The following RTN1 variants were observed in gnomAD, a reference collection of about 807,000 sequenced individuals.
The protein encoded by RTN1 is reticulon-1.
Under a neutral mutation model 65.5 loss-of-function variants are expected in RTN1, and 25 were observed. That is an observed-to-expected ratio of 0.38 (90% CI 0.28 to 0.53). The LOEUF (loss-of-function observed/expected upper bound fraction) is 0.53, where lower values mean the gene tolerates loss of function less well. RTN1 is among the 20% of genes least tolerant of loss of function. The probability of loss-of-function intolerance (pLI) is 0.79; values close to 1 mark genes in which losing one functional copy is unlikely to be tolerated. For synonymous variants in RTN1, 471 were observed against 447.6 expected (o/e 1.05, Z -0.66); for missense variants, 983 against 1,025.4 (o/e 0.96, Z 0.57).
At chr14:59,851,402 A>C (rs1887504092) in intron 1 of RTN1, among the ~76,000 whole-genome samples, 2 of 152,228 alleles carry the variant, frequency 1.3e-5, no homozygotes, top group Non-Finnish European at 2.9e-5. Context: ...TTAAATAAGC[A>C]CAGAGCAGAT....
chr14:59,811,294 C>T (rs757892622), intron 1 of RTN1, among the ~76,000 whole-genome samples: 2 of 152,134 alleles, frequency 1.3e-5, no homozygotes, highest in Non-Finnish European at 2.9e-5. Context: ...TTGATGATAG[C>T]CCTGATGATG....
intron 1 of RTN1, among the ~76,000 whole-genome samples, chr14:59,780,932 C>T (rs1472263289): frequency 6.6e-6 from 1 of 152,124 alleles, no homozygotes; most frequent in Non-Finnish European, 1.5e-5. Context: ...ATTCTGATTC[C>T]ATCTCCCCTC....
chr14:59,808,719 C>T (rs1886678651), intron 1 of RTN1, among the ~76,000 whole-genome samples: 1 of 152,144 alleles, frequency 6.6e-6, no homozygotes, highest in Non-Finnish European at 1.5e-5. Context: ...GTGGATTTCT[C>T]ATAAATAGAT....
intron 1 of RTN1, among the ~76,000 whole-genome samples, chr14:59,789,529 T>C (rs1886310529): frequency 6.6e-6 from 1 of 152,156 alleles, no homozygotes; most frequent in African/African-American, 2.4e-5. Flanking sequence ...TTTATGCAAA[T>C]GAGCTTGAAA....
At chr14:59,785,519 G>A (rs1356046230) in intron 1 of RTN1, among the ~76,000 whole-genome samples, 1 of 152,086 alleles carries the variant, frequency 6.6e-6, no homozygotes, top group Non-Finnish European at 1.5e-5. Flanking sequence ...CCATCTGTTT[G>A]GAAACTTATT....
intron 3 of RTN1, among the ~76,000 whole-genome samples, chr14:59,629,591 G>A (rs566782682): frequency 6.6e-6 from 1 of 152,270 alleles, no homozygotes; most frequent in South Asian, 2.1e-4. Context: ...ATTCATTCTT[G>A]CAAATTATCT....
chr14:59,607,174 G>A (rs1881784580), intron 4 of RTN1, 111 bp downstream of exon 4: 1 of 855,242 alleles, frequency 1.2e-6, no homozygotes, highest in Admixed American at 2.1e-5. Flanking sequence ...GACTCTAAGA[G>A]GTCTGTTGGG....
chr14:59,791,728 T>C (rs1308311636), intron 1 of RTN1, among the ~76,000 whole-genome samples: 1 of 152,168 alleles, frequency 6.6e-6, no homozygotes, highest in East Asian at 1.9e-4. Flanking sequence ...ACTGTGTCCT[T>C]TGTCCTCCAC....
chr14:59,623,952 T>C (rs868303477), intron 3 of RTN1, among the ~76,000 whole-genome samples: 6 of 152,246 alleles, frequency 3.9e-5, no homozygotes, highest in Non-Finnish European at 7.3e-5. Flanking sequence ...GAAATATTTC[T>C]GAAGAAAGGG....
At chr14:59,709,017 G>A (rs980420580) in intron 3 of RTN1, among the ~76,000 whole-genome samples, 7 of 152,188 alleles carry the variant, frequency 4.6e-5, no homozygotes, top group African/African-American at 1.7e-4. Flanking sequence ...ACTGAAGGGG[G>A]AAAAACATTT....
chr14:59,733,092 T>TC (rs1884934999), intron 2 of RTN1, among the ~76,000 whole-genome samples: 1 of 108,426 alleles, frequency 9.2e-6, no homozygotes, highest in South Asian at 2.7e-4. Context: ...TTTTTTTTTT[T>TC]CTTTCTTTCT....
intron 1 of RTN1, among the ~76,000 whole-genome samples, chr14:59,754,716 C>A (rs1885600589): frequency 2.0e-5 from 3 of 152,126 alleles, no homozygotes; most frequent in Admixed American, 6.5e-5. Context: ...AGGGAGAACA[C>A]TACTCATCTC....
At chr14:59,767,227 T>C (rs1885866977) in intron 1 of RTN1, among the ~76,000 whole-genome samples, 1 of 152,212 alleles carries the variant, frequency 6.6e-6, no homozygotes, top group African/African-American at 2.4e-5. Flanking sequence ...ACATGGACTA[T>C]GTTTTGAATG....
intron 3 of RTN1, among the ~76,000 whole-genome samples, chr14:59,661,259 C>CAAA (rs768483248): frequency 0.026 from 2,153 of 83,196 alleles, 143 homozygotes; most frequent in African/African-American, 0.075. Context: ...GCCTACCAAC[C>CAAA]AAAAAAAAAA....
chr14:59,841,237 TTTA>T (rs1887305693), intron 1 of RTN1, among the ~76,000 whole-genome samples: 1 of 152,080 alleles, frequency 6.6e-6, no homozygotes, highest in East Asian at 1.9e-4. Context: ...AAAAAATGCT[TTTA>T]TTAACTGAAA....
intron 1 of RTN1, among the ~76,000 whole-genome samples, chr14:59,813,124 G>T (rs1886758912): frequency 6.6e-6 from 1 of 152,150 alleles, no homozygotes; most frequent in African/African-American, 2.4e-5. Flanking sequence ...AACCAACAGG[G>T]ACAAAGTAAG....
intron 1 of RTN1, among the ~76,000 whole-genome samples, chr14:59,833,318 T>C (rs1887158457): frequency 6.6e-6 from 1 of 152,142 alleles, no homozygotes; most frequent in Non-Finnish European, 1.5e-5. Flanking sequence ...TGTCTGAAAA[T>C]GGGACATTTA....
rs1314668815 is a variant in RTN1, at chr14:59,809,027, C to T, written c.241+61363G>A. Among the ~76,000 whole-genome samples the T allele has an allele frequency of 6.8e-4, 103 of 152,100 alleles. 1 individual carries two copies. Among genetic ancestry groups the T allele is most frequent in the Admixed American group, 6.6e-5 (1 of 15,244 alleles). On this transcript the variant is annotated intron_variant, in intron 1 of 8. Coordinates refer to ENST00000267484, the MANE Select transcript of RTN1 (RefSeq NM_021136.3). ...GTATTTCTTTAAAGCAATTTGAGAACGGGCTAACAAAAACTGTTTCCAAGG... is the reference window on the plus strand; with the variant it reads ...GTATTTCTTTAAAGCAATTTGAGAATGGGCTAACAAAAACTGTTTCCAAGG...
intron 2 of RTN1, among the ~76,000 whole-genome samples, chr14:59,743,219 A>G (rs1885148385): frequency 6.6e-6 from 1 of 152,230 alleles, no homozygotes; most frequent in African/African-American, 2.4e-5. Flanking sequence ...AACCTTCTCC[A>G]GAACCCAATT....
Sources: gnomAD v4.1 joint callset for allele counts (sites outside exome capture counted in the v4.1 genomes callset) on GRCh38, gnomAD v4.1.1 for gene constraint, MANE v1.5 for transcripts, NCBI Gene and HGNC (gene_info 2026-07-23, HGNC 2026-07-21) for gene names.